P4HTM: variants seen among roughly 807,000 people sequenced by gnomAD.
P4HTM encodes transmembrane prolyl 4-hydroxylase.
A neutral mutation model predicts 55.3 loss-of-function variants in P4HTM; 33 were observed. The observed-to-expected ratio is 0.60, with a 90% confidence interval of 0.45 to 0.80. The LOEUF (loss-of-function observed/expected upper bound fraction) is 0.80. Ranked by LOEUF, P4HTM falls within the 30% of genes least tolerant of loss-of-function variation. The pLI is 0.00. For synonymous variants in P4HTM, 272 were observed against 286.4 expected (o/e 0.95, Z 0.51); for missense variants, 542 against 696.5 (o/e 0.78, Z 2.50).
Position 48,990,353 on chromosome 3 carries a change from C to G in P4HTM, c.97C>G (p.Gln33Glu). The G allele has an allele frequency of 6.4e-7, 1 of 1,554,958 alleles. No individual in the cohort carries two copies. ...QWAPPDHCQAQAAAGLGDGED... is the reference protein window; with the variant it reads ...QWAPPDHCQAEAAAGLGDGED... ...GGCGCCGCCAGACCACTGCCAGGCTCAGGCGGCGGCCGGGCTGGGCGACGG... is the reference window on the plus strand; with the variant it reads ...GGCGCCGCCAGACCACTGCCAGGCTGAGGCGGCGGCCGGGCTGGGCGACGG... The change falls in exon 1 of 9, where the codon CAG becomes GAG. Residue 33 changes from glutamine (Q) to glutamate (E), a missense_variant. Physicochemically the swap from Gln to Glu is conservative, Grantham distance 29. Transcript: ENST00000383729. The surrounding 1 kb of genome is among the most constrained non-coding windows in gnomAD (Gnocchi z 7.2).
At chr3:49,005,128 C>T (rs746780765) in intron 6 of P4HTM, 82 bp downstream of exon 6, 10 of 1,612,354 alleles carry the variant, frequency 6.2e-6, no homozygotes, top group Admixed American at 1.7e-5. Context: ...GCACTGTGGG[C>T]GTGCCCCTTG....
At chr3:48,994,572 G>A (rs1039067214) in intron 2 of P4HTM, among the ~76,000 whole-genome samples, 1 of 152,202 alleles carries the variant, frequency 6.6e-6, no homozygotes, top group African/African-American at 2.4e-5. Flanking sequence ...ATGACTGGTA[G>A]GTCATTTTCC....
Position 49,002,568 on chromosome 3 carries a change from C to A in P4HTM, c.696C>A (p.Ala232=). 6.2e-7 allele frequency: 1 copy of A among 1,613,800 alleles called. No individual in the cohort carries two copies. Among genetic ancestry groups the A allele is most frequent in the Non-Finnish European group, 8.5e-7 (1 of 1,179,706 alleles). The change falls in exon 4 of 9, where the codon GCC becomes GCA. Residue 232 remains alanine, a synonymous_variant. Coordinates refer to ENST00000383729, the MANE Select transcript of P4HTM (RefSeq NM_177939.3). The surrounding 1 kb of genome is among the most constrained non-coding windows in gnomAD (Gnocchi z 4.4). ...MTPESIQEMY[A]AIKADPDGDG... ...CAGAGAGCATTCAGGAGATGTACGC[C>A]GCGATCAAGGCTGACCCTGATGGTG...
chr3:48,998,662 T>C (rs548762997), intron 2 of P4HTM, among the ~76,000 whole-genome samples: 1 of 152,254 alleles, frequency 6.6e-6, no homozygotes, highest in South Asian at 2.1e-4. Context: ...GCCTTTACTC[T>C]CCATCTTAAA....
intron 5 of P4HTM, 107 bp from the exon 6 acceptor site, chr3:49,004,754 G>T: frequency 8.7e-7 from 1 of 1,147,836 alleles, no homozygotes; most frequent in Non-Finnish European, 1.2e-6. Flanking sequence ...TTCCAGGGGA[G>T]GTGGGTAGGG....
At position 49,002,694 on chromosome 3, in the gene P4HTM, C is replaced by T. The variant is rs542078325; in HGVS notation, c.724+98C>T. On this transcript the variant is annotated intron_variant, in intron 4 of 8. Coordinates refer to ENST00000383729, the MANE Select transcript of P4HTM (RefSeq NM_177939.3). This position sits in a 1 kb window ranked among gnomAD's most constrained non-coding sequence, Gnocchi z 4.4. ...CTTGGGCCCTTCCCCCACAGCCAGGCAGCCTCTCTGCACCCCTTTATAGTG... is the reference window on the plus strand; with the variant it reads ...CTTGGGCCCTTCCCCCACAGCCAGGTAGCCTCTCTGCACCCCTTTATAGTG... 1 of 892,996 alleles carries T rather than the reference C, an allele frequency of 1.1e-6. No homozygotes were observed. The highest frequency in any genetic ancestry group is 1.6e-5 in the African/African-American group (1 of 61,426). The allele number at this position is 892,996 out of a possible 1,614,324, so 55.3% of individuals were successfully genotyped here.
At chr3:48,994,086 G>A (rs753395329) in intron 2 of P4HTM, among the ~76,000 whole-genome samples, 1 of 152,118 alleles carries the variant, frequency 6.6e-6, no homozygotes, top group African/African-American at 2.4e-5. Flanking sequence ...TGGTCATGGT[G>A]GGGCAGTTCC....
rs1461968140 is a variant in P4HTM, at chr3:49,002,505, G to C, written c.633G>C (p.Leu211=). 1.2e-6 allele frequency: 2 copies of C among 1,613,144 alleles called. No individual in the cohort carries two copies. The highest frequency in any genetic ancestry group is 3.3e-5 in the Admixed American group (2 of 60,028). ...GGGACCCTCTTATGCTTTAGGTTCT[G>C]GCCCAGACTCGCCTGGGAAATGGAT... ...RDGHLQLREV[L]AQTRLGNGWW... Residue 211 remains leucine, a synonymous_variant, in exon 4 of 9, where the codon CTG becomes CTC. Transcript: ENST00000383729. This position sits in a 1 kb window ranked among gnomAD's most constrained non-coding sequence, Gnocchi z 4.4.
At position 48,999,466 on chromosome 3, in the gene P4HTM, CT is replaced by C. The variant is rs1292292132; in HGVS notation, c.437-1971del. On this transcript the variant is annotated intron_variant, in intron 2 of 8. Transcript: ENST00000383729. The surrounding 1 kb of genome is among the most constrained non-coding windows in gnomAD (Gnocchi z 4.8). ...CACCTCATGCAGCCCCAGGGAGCCCCTGACCCTGCTGTCATCCCACAGCATC... is the reference window on the plus strand; with the variant it reads ...CACCTCATGCAGCCCCAGGGAGCCCCGACCCTGCTGTCATCCCACAGCATC... The C allele has an allele frequency of 6.0e-6, 1 of 167,460 alleles. No homozygotes were observed. The highest frequency in any genetic ancestry group is 1.5e-5 in the Non-Finnish European group (1 of 68,426). 10.4% of individuals were successfully genotyped at this position (167,460 alleles called of 1,614,324 possible).
rs1244721413 is a variant in P4HTM at position 48,990,508 on chromosome 3, C to T, written c.252C>T (p.Tyr84=). The stretch of plus-strand genomic sequence containing the variant: ...TGGCGCTGCTGCTCTTCGTGCACTA[C>T]AGCAACGGCGACGAAAGCAGCGATC... The part of the protein sequence containing the change: ...NVLALLLFVH[Y]SNGDESSDPG... Residue 84 remains tyrosine (Y), a synonymous_variant, in exon 1 of 9, where the codon TAC becomes TAT. Transcript: ENST00000383729. This position sits in a 1 kb window ranked among gnomAD's most constrained non-coding sequence, Gnocchi z 7.2. 4 of 1,611,258 alleles carry T rather than the reference C, an allele frequency of 2.5e-6. No individual in the cohort carries two copies. Among genetic ancestry groups the T allele is most frequent in the Non-Finnish European group, 3.4e-6 (4 of 1,179,456 alleles).
chr3:48,996,884 T>C (rs2092947534), intron 2 of P4HTM, among the ~76,000 whole-genome samples: 2 of 152,124 alleles, frequency 1.3e-5, no homozygotes, highest in Non-Finnish European at 2.9e-5. Context: ...ATGTGGGCAG[T>C]AGTAGCAGGC....
At position 49,004,894 on chromosome 3, in the gene P4HTM, C is replaced by T. The variant is rs770183332; in HGVS notation, c.921C>T (p.Ile307=). ...GCCTCACTCGCCTGTCGCCTGAGAT[C>T]GTGGAGCTCAGCGAGCCGCTGCAGG... ...VLRLTRLSPE[I]VELSEPLQVV... Residue 307 remains isoleucine (I), a synonymous_variant, in exon 6 of 9, where the codon ATC becomes ATT. Coordinates refer to ENST00000383729, the MANE Select transcript of P4HTM (RefSeq NM_177939.3). 1.1e-5 allele frequency: 18 copies of T among 1,611,586 alleles called. No homozygotes were observed. The highest frequency in any genetic ancestry group is 6.6e-5 in the South Asian group (6 of 91,074).
In P4HTM at chr3:48,990,630, G is replaced by C. The variant is rs751517266; in HGVS notation, c.354+20G>C. On this transcript the variant is annotated intron_variant, in intron 1 of 8. Transcript: ENST00000383729. The surrounding 1 kb of genome is among the most constrained non-coding windows in gnomAD (Gnocchi z 7.2). ...ATCAAGGTGAGGACCTCCCTGCCCC[G>C]CCGCGCTCCAGGCCCTGCACGGCTG... 4 of 1,535,202 alleles carry C rather than the reference G, an allele frequency of 2.6e-6. No individual in the cohort carries two copies. In the African/African-American group the frequency reaches 4.1e-5, roughly 16 times the overall value.
intron 5 of P4HTM, 85 bp from the exon 6 acceptor site, chr3:49,004,776 G>A: frequency 7.1e-7 from 1 of 1,408,728 alleles, no homozygotes; most frequent in Non-Finnish European, 9.7e-7. Flanking sequence ...CAAAGCTTGT[G>A]GCAGGCCTAG....
intron 4 of P4HTM, chr3:49,003,846 T>A: frequency 4.4e-6 from 2 of 456,098 alleles, no homozygotes. Context: ...GGGGTGGGCC[T>A]CTTTCTTCTT....
Position 49,005,345 on chromosome 3 carries a change from C to T in P4HTM, c.1073+299C>T, listed in dbSNP as rs1369642551. ...GGCTGGGCCCCTAGCTTGTCCTGCC[C>T]ATTCCTCCAGGTGTTGATCTTGATT... is the stretch of plus-strand genomic sequence containing the variant. On this transcript the variant is annotated intron_variant, in intron 6 of 8. Transcript: ENST00000383729. 3 of 1,424,720 alleles carry T rather than the reference C, an allele frequency of 2.1e-6. No homozygotes were observed. In the African/African-American group the frequency reaches 4.3e-5, roughly 21 times the overall value. The allele number at this position is 1,424,720 out of a possible 1,614,324, so 88.3% of individuals were successfully genotyped here.
In P4HTM at chr3:49,002,536, A is replaced by G; in HGVS notation, c.664A>G (p.Met222Val). 2 of 1,614,110 alleles carry G rather than the reference A, an allele frequency of 1.2e-6. No individual in the cohort carries two copies. Among genetic ancestry groups the G allele is most frequent in the African/African-American group, 1.3e-5 (1 of 75,054 alleles). Residue 222 changes from methionine (M) to valine (V), a missense_variant, in exon 4 of 9, where the codon ATG (methionine) becomes GTG (valine). Coordinates refer to ENST00000383729, the MANE Select transcript of P4HTM (RefSeq NM_177939.3). This position sits in a 1 kb window ranked among gnomAD's most constrained non-coding sequence, Gnocchi z 4.4. ...AQTRLGNGWW[M>V]TPESIQEMYA... ...GACTCGCCTGGGAAATGGATGGTGG[A>G]TGACTCCAGAGAGCATTCAGGAGAT...
At chr3:48,995,858 T>G (rs2106650257) in intron 2 of P4HTM, among the ~76,000 whole-genome samples, 1 of 152,222 alleles carries the variant, frequency 6.6e-6, no homozygotes, top group East Asian at 1.9e-4. Flanking sequence ...AGTGCTGGGA[T>G]TACAGGCATA....
chr3:49,004,512 A>C, intron 5 of P4HTM: 1 of 557,222 alleles, frequency 1.8e-6, no homozygotes. Flanking sequence ...TAGATAAATG[A>C]CCTCTTATCT....
Sources: gnomAD v4.1 joint callset for allele counts (sites outside exome capture counted in the v4.1 genomes callset) on GRCh38, gnomAD v4.1.1 for gene constraint, Gnocchi (gnomAD v3.1) non-coding constraint, MANE v1.5 for transcripts, NCBI Gene and HGNC (gene_info 2026-07-23, HGNC 2026-07-21) for gene names.